The following ZDHHC14 variants were observed in gnomAD, a reference collection of about 807,000 sequenced individuals.
ZDHHC14 encodes the protein zDHHC palmitoyltransferase 14.
In ZDHHC14, 16 loss-of-function variants were observed where a neutral mutation model predicts 47.7. That is an observed-to-expected ratio of 0.34 (90% CI 0.23 to 0.51). The LOEUF (loss-of-function observed/expected upper bound fraction) is 0.51. ZDHHC14 is among the 20% of genes least tolerant of loss of function. The pLI is 0.97. For missense variants in ZDHHC14, 515 were observed against 662.5 expected, an observed-to-expected ratio of 0.78 and a Z score of 2.44; for synonymous variants, 293 against 278.9, an observed-to-expected ratio of 1.05 and a Z score of -0.50.
intron 1 of ZDHHC14, among the ~76,000 whole-genome samples, chr6:157,459,661 GGTGGGGTGGCCTGTGCGCCCCAA>G (rs1458685241): frequency 6.6e-6 from 1 of 152,148 alleles, no homozygotes; most frequent in Non-Finnish European, 1.5e-5. Context: ...CCTGGCAGGT[GGTGGGGTGGCCTGTGCGCCCCAA>G]GTGGGGTGCA....
intron 5 of ZDHHC14, among the ~76,000 whole-genome samples, chr6:157,637,939 AC>A (rs1250062154): frequency 6.6e-6 from 1 of 152,204 alleles, no homozygotes; most frequent in Non-Finnish European, 1.5e-5. Context: ...AATGATGGAA[AC>A]ATTGATACAC....
At chr6:157,610,931 C>T (rs1249094777) in intron 3 of ZDHHC14, among the ~76,000 whole-genome samples, 4 of 152,218 alleles carry the variant, frequency 2.6e-5, no homozygotes, top group African/African-American at 4.8e-5. Flanking sequence ...ACTGCCTGGT[C>T]GGCCCTGTGG....
chr6:157,431,915 G>C (rs1207148672), intron 1 of ZDHHC14, among the ~76,000 whole-genome samples: 1 of 151,992 alleles, frequency 6.6e-6, no homozygotes, highest in Non-Finnish European at 1.5e-5. Context: ...TTTTTGTAGA[G>C]ATAGGGTTTT....
intron 6 of ZDHHC14, among the ~76,000 whole-genome samples, 166 bp from the exon 7 acceptor site, chr6:157,647,089 AGGAC>A (rs1777591241): frequency 6.6e-6 from 1 of 152,228 alleles, no homozygotes; most frequent in Non-Finnish European, 1.5e-5. Flanking sequence ...CTGCTGTTTT[AGGAC>A]ATTTCCAAGT....
chr6:157,572,289 C>T (rs1226613647), intron 2 of ZDHHC14, among the ~76,000 whole-genome samples: 2 of 152,134 alleles, frequency 1.3e-5, no homozygotes, highest in Admixed American at 1.3e-4. Flanking sequence ...ACAAACATCT[C>T]TAGATGGTTT....
intron 1 of ZDHHC14, among the ~76,000 whole-genome samples, chr6:157,509,063 C>G (rs755418102): frequency 6.6e-6 from 1 of 152,194 alleles, no homozygotes; most frequent in Non-Finnish European, 1.5e-5. Context: ...TTCCTTGGCT[C>G]GTGGCTCCTT....
intron 8 of ZDHHC14, among the ~76,000 whole-genome samples, chr6:157,670,360 C>T (rs777013778): frequency 6.6e-6 from 1 of 152,212 alleles, no homozygotes; most frequent in Non-Finnish European, 1.5e-5. Context: ...GTGGCGTGAT[C>T]TCAGCTCACT....
At chr6:157,413,420 T>C (rs139157931) in intron 1 of ZDHHC14, among the ~76,000 whole-genome samples, 1 of 152,358 alleles carries the variant, frequency 6.6e-6, no homozygotes, top group East Asian at 1.9e-4. Context: ...TCTCTGATTC[T>C]ATTTCACCAA....
chr6:157,619,831 A>G (rs1785116123), intron 3 of ZDHHC14, among the ~76,000 whole-genome samples: 4 of 152,244 alleles, frequency 2.6e-5, no homozygotes, highest in Admixed American at 1.3e-4. Context: ...GTCATTGTGC[A>G]TTAGATTTTC....
At chr6:157,540,500 A>T (rs147878815) in intron 1 of ZDHHC14, among the ~76,000 whole-genome samples, 1 of 152,226 alleles carries the variant, frequency 6.6e-6, no homozygotes, top group Non-Finnish European at 1.5e-5. Context: ...GGTTCTGGCC[A>T]TTCACAAGTA....
chr6:157,626,489 C>A (rs1785423632), intron 3 of ZDHHC14, among the ~76,000 whole-genome samples: 1 of 152,102 alleles, frequency 6.6e-6, no homozygotes, highest in African/African-American at 2.4e-5. Flanking sequence ...GAGGTTTGTT[C>A]GTTGTCAATA....
intron 2 of ZDHHC14, among the ~76,000 whole-genome samples, chr6:157,588,966 T>C (rs1783802674): frequency 6.6e-6 from 1 of 152,134 alleles, no homozygotes; most frequent in South Asian, 2.1e-4. Flanking sequence ...CATCTTTGGC[T>C]GCAGATTCCC....
At chr6:157,501,972 C>T (rs968045362) in intron 1 of ZDHHC14, among the ~76,000 whole-genome samples, 2 of 152,200 alleles carry the variant, frequency 1.3e-5, no homozygotes, top group Admixed American at 6.5e-5. Context: ...CACACATGGC[C>T]ACCGTGGAGG....
chr6:157,500,723 G>A (rs190352528), intron 1 of ZDHHC14, among the ~76,000 whole-genome samples: 12 of 152,306 alleles, frequency 7.9e-5, no homozygotes, highest in Admixed American at 2.6e-4. Flanking sequence ...ATGGTCCATC[G>A]TGGTGGAATC....
chr6:157,443,840 C>T (rs1280868925), intron 1 of ZDHHC14, among the ~76,000 whole-genome samples: 2 of 152,196 alleles, frequency 1.3e-5, no homozygotes, highest in East Asian at 3.8e-4. Flanking sequence ...ACTCAGTTTT[C>T]CTCCTCTGTA....
Position 157,475,598 on chromosome 6 carries a change from A to G in ZDHHC14, c.246-66987A>G, listed in dbSNP as rs948250691. Reference sequence around the variant, plus strand: ...ACCTCTTTGGTTAAATTTATTCCTAAGTATTTTAGTATTTTTTGGTAACTC... The same window carrying G: ...ACCTCTTTGGTTAAATTTATTCCTAGGTATTTTAGTATTTTTTGGTAACTC... On this transcript the variant is annotated intron_variant, in intron 1 of 8. Coordinates refer to ENST00000359775, the MANE Select transcript of ZDHHC14 (RefSeq NM_024630.3). Among the ~76,000 whole-genome samples the G allele has an allele frequency of 3.4e-4, 51 of 152,018 alleles. 1 individual carries two copies. Among genetic ancestry groups the G allele is most frequent in the Non-Finnish European group, 1.0e-4 (7 of 67,968 alleles).
At chr6:157,551,989 C>T (rs1782253426) in intron 2 of ZDHHC14, among the ~76,000 whole-genome samples, 2 of 152,154 alleles carry the variant, frequency 1.3e-5, no homozygotes, top group Admixed American at 1.3e-4. Flanking sequence ...ATAAATCCCT[C>T]TTTCTCCTTT....
intron 5 of ZDHHC14, among the ~76,000 whole-genome samples, chr6:157,641,053 C>T (rs757858968): frequency 6.6e-5 from 10 of 152,152 alleles, no homozygotes; most frequent in African/African-American, 2.2e-4. Context: ...TAAAATATTT[C>T]CTGGAGATGT....
intron 1 of ZDHHC14, among the ~76,000 whole-genome samples, chr6:157,470,628 T>G (rs1235068746): frequency 6.6e-6 from 1 of 152,242 alleles, no homozygotes; most frequent in Non-Finnish European, 1.5e-5. Flanking sequence ...TGTTCTGCAA[T>G]GTTATTTATA....
Sources: gnomAD v4.1 joint callset for allele counts (sites outside exome capture counted in the v4.1 genomes callset) on GRCh38, gnomAD v4.1.1 for gene constraint, MANE v1.5 for transcripts, NCBI Gene and HGNC (gene_info 2026-07-23, HGNC 2026-07-21) for gene names.